The following TRIM58 variants were observed in gnomAD, a reference collection of about 807,000 sequenced individuals.
The protein encoded by TRIM58 is E3 ubiquitin-protein ligase TRIM58.
TRIM58 carries 38 observed loss-of-function variants against 34.1 expected under a neutral mutation model. The ratio of observed to expected loss-of-function variants is 1.12; its 90% CI spans 0.86 to 1.46. TRIM58 has a LOEUF of 1.46. TRIM58 is among the 40% of genes most tolerant of loss of function. The pLI, the probability that TRIM58 is intolerant of heterozygous loss-of-function variation, is 0.00. For synonymous variants in TRIM58, 273 were observed against 275.7 expected, an observed-to-expected ratio of 0.99 and a Z score of 0.10; for missense variants, 677 against 642.0, an observed-to-expected ratio of 1.05 and a Z score of -0.59.
chr1:247,867,961 A>G lies in TRIM58; in HGVS notation c.771-2A>G. 3 of 1,613,384 alleles carry G rather than the reference A, an allele frequency of 1.9e-6. No individual in the cohort carries two copies. The highest frequency in any genetic ancestry group is 2.5e-6 in the Non-Finnish European group (3 of 1,179,660). On this transcript the variant is annotated splice_acceptor_variant, in intron 4 of 5. Coordinates refer to ENST00000366481, the MANE Select transcript of TRIM58 (RefSeq NM_015431.4). LOFTEE classifies it high-confidence loss of function. ...CTTCTGTGGTTTCTGTGCTCTTCCC[A>G]GAAGTAAGGCTGTCACAAGGCTGGA...
chr1:247,863,305 C>T (rs1161223536), intron 2 of TRIM58, among the ~76,000 whole-genome samples: 4 of 152,012 alleles, frequency 2.6e-5, no homozygotes, highest in East Asian at 3.9e-4. Context: ...TTTGGGAGGC[C>T]GATGCGGGCC....
rs1344551202 is a variant in TRIM58, at chr1:247,879,006, T to C, written c.*2517T>C. Among the ~76,000 whole-genome samples, 2 of 152,166 alleles carry C rather than the reference T, an allele frequency of 1.3e-5. No individual in the cohort carries two copies. Among genetic ancestry groups the C allele is most frequent in the African/African-American group, 4.8e-5 (2 of 41,436 alleles). ...TTCGTTACCAGCAAAATCCTCGACA[T>C]CCATACCCGTTTCCTGGCTTTCCCT... On this transcript the variant is annotated 3_prime_UTR_variant, in exon 6 of 6. Transcript: ENST00000366481.
chr1:247,861,147 C>T (rs1450891030), intron 2 of TRIM58, among the ~76,000 whole-genome samples: 1 of 151,922 alleles, frequency 6.6e-6, no homozygotes, highest in Non-Finnish European at 1.5e-5. Context: ...TTTTTTCTAT[C>T]ATCTATACAT....
rs772740288 is a variant in TRIM58, at chr1:247,868,048, T to G, written c.856T>G (p.Leu286Val). Residue 286 changes from leucine to valine, a missense_variant, in exon 5 of 6, where the codon TTA becomes GTA. Coordinates refer to ENST00000366481, the MANE Select transcript of TRIM58 (RefSeq NM_015431.4). The stretch of plus-strand genomic sequence containing the variant: ...CTGCATCCCTGGGAGGAGGGAGCTC[T>G]TAAGGAAGTTCCAAGGTAGTTGCAT... ...ACCIPGRREL[L>V]RKFQVDVKLD... 2.5e-6 allele frequency: 4 copies of G among 1,607,242 alleles called. No individual in the cohort carries two copies. In the Admixed American group the frequency reaches 6.8e-5, roughly 27 times the overall value.
At chr1:247,875,345 A>G (rs1045326487) in intron 5 of TRIM58, among the ~76,000 whole-genome samples, 31 of 152,192 alleles carry the variant, frequency 2.0e-4, no homozygotes, top group Non-Finnish European at 1.3e-4. Flanking sequence ...TAAATGCAGA[A>G]GATCCTCCTA....
intron 2 of TRIM58, among the ~76,000 whole-genome samples, chr1:247,861,986 G>C (rs1247494148): frequency 6.6e-6 from 1 of 152,132 alleles, no homozygotes; most frequent in East Asian, 1.9e-4. Context: ...AAATTAGCCA[G>C]GCGTGGTGGC....
chr1:247,857,721 A>G, intron 1 of TRIM58, 55 bp downstream of exon 1: 3 of 1,208,368 alleles, frequency 2.5e-6, no homozygotes, highest in Non-Finnish European at 3.1e-6. Flanking sequence ...GAAGCGGGCG[A>G]CAGTCCGGAG....
intron 5 of TRIM58, among the ~76,000 whole-genome samples, chr1:247,874,443 C>T (rs1458028856): frequency 6.6e-6 from 1 of 152,142 alleles, no homozygotes; most frequent in East Asian, 1.9e-4. Flanking sequence ...CCCCACTAGG[C>T]CCCACCTTCA....
At chr1:247,870,976 C>G (rs35014079) in intron 5 of TRIM58, among the ~76,000 whole-genome samples, 19 of 53,558 alleles carry the variant, frequency 3.5e-4, no homozygotes, top group Admixed American at 4.6e-4. Flanking sequence ...ATTCATGAGC[C>G]GTATCAGAGT....
rs2103317544 is a variant in TRIM58 at position 247,857,230 on chromosome 1, C to T, written c.-17C>T. On this transcript the variant is annotated 5_prime_UTR_variant, in exon 1 of 6. Coordinates refer to ENST00000366481, the MANE Select transcript of TRIM58 (RefSeq NM_015431.4). ...CGGTGCGGGCGGCCGGGAGCGCAGC[C>T]CTCCGGGAGGCGGGTCATGGCCTGG... 7.6e-7 allele frequency: 1 copy of T among 1,311,652 alleles called. No individual in the cohort carries two copies. The highest frequency in any genetic ancestry group is 9.8e-7 in the Non-Finnish European group (1 of 1,024,006). The allele number at this position is 1,311,652 out of a possible 1,614,324, so 81.3% of individuals were successfully genotyped here. A position where few individuals can be genotyped will look rare whatever the true frequency, so the allele number is the denominator to read the frequency against.
At chr1:247,857,799 C>A in intron 1 of TRIM58, 133 bp downstream of exon 1, 2 of 1,153,896 alleles carry the variant, frequency 1.7e-6, no homozygotes, top group African/African-American at 1.6e-5. Context: ...CGCGCCGTCC[C>A]CCCCGCCCAC....
At chr1:247,857,746 C>T (rs1057027635) in intron 1 of TRIM58, 80 bp downstream of exon 1, 25 of 1,196,192 alleles carry the variant, frequency 2.1e-5, no homozygotes, top group Non-Finnish European at 2.4e-5. Flanking sequence ...GCCGCCGAGG[C>T]CACCCGTCTC....
chr1:247,865,605 G>A (rs1327508729), intron 3 of TRIM58, among the ~76,000 whole-genome samples: 1 of 152,192 alleles, frequency 6.6e-6, no homozygotes, highest in East Asian at 1.9e-4. Context: ...GAGGGATTAC[G>A]TGGACTCCCG....
chr1:247,860,425 C>CACA (rs56706089), intron 1 of TRIM58, among the ~76,000 whole-genome samples, 192 bp from the exon 2 acceptor site: 46,112 of 151,860 alleles, frequency 0.3, 7,235 homozygotes, highest in African/African-American at 0.38. Flanking sequence ...CGCAACACTG[C>CACA]ACAACCTGAG....
At position 247,877,343 on chromosome 1, in the gene TRIM58, C is replaced by G. The variant is rs1659312997; in HGVS notation, c.*854C>G. ...ATCCCAGCACTTTGGGAGGCTGAGG[C>G]GGGTGGATCACAAGCTCAGGAGTTC... On this transcript the variant is annotated 3_prime_UTR_variant, in exon 6 of 6. Transcript: ENST00000366481. The G allele has an allele frequency of 2.0e-5, 3 of 150,406 alleles. No individual in the cohort carries two copies. The highest frequency in any genetic ancestry group is 7.3e-5 in the African/African-American group (3 of 40,838). 9.3% of individuals were successfully genotyped at this position (150,406 alleles called of 1,614,324 possible). A position where few individuals can be genotyped will look rare whatever the true frequency, so the allele number is the denominator to read the frequency against.
At chr1:247,865,210 G>A (rs982577514) in intron 3 of TRIM58, among the ~76,000 whole-genome samples, 8 of 152,092 alleles carry the variant, frequency 5.3e-5, no homozygotes, top group South Asian at 2.1e-4. Context: ...CAGGAGGATC[G>A]CTTGGGCCAA....
intron 2 of TRIM58, among the ~76,000 whole-genome samples, chr1:247,862,828 C>T (rs770252120): frequency 6.6e-6 from 1 of 152,186 alleles, no homozygotes; most frequent in Non-Finnish European, 1.5e-5. Context: ...TGCAAAACCA[C>T]CTTTCCTTTT....
In TRIM58 at chr1:247,878,312, G is replaced by A. The variant is rs1659336168; in HGVS notation, c.*1823G>A. ...ATTATCTGATAATAATCTGCAGAAG[G>A]TTTAATTTTCCTCCTCAATTTGAAG... On this transcript the variant is annotated 3_prime_UTR_variant, in exon 6 of 6. Transcript: ENST00000366481. The A allele has an allele frequency of 6.6e-6, 1 of 152,102 alleles. No homozygotes were observed. Among genetic ancestry groups the A allele is most frequent in the African/African-American group, 2.4e-5 (1 of 41,416 alleles). The allele number at this position is 152,102 out of a possible 1,614,324, so 9.4% of individuals were successfully genotyped here. A position where few individuals can be genotyped will look rare whatever the true frequency, so the allele number is the denominator to read the frequency against.
Position 247,860,768 on chromosome 1 carries a change from G to T in TRIM58, c.516+56G>T. 5 of 1,370,910 alleles carry T rather than the reference G, an allele frequency of 3.6e-6. No homozygotes were observed. The East Asian group carries it at 9.2e-5, about 25-fold the overall frequency. 84.9% of individuals were successfully genotyped at this position (1,370,910 alleles called of 1,614,324 possible). ...GCCTGTTTGAAGGATCCAGATTCGGGTCAGTAATTCTTCTACCATCTTCCA... is the reference window on the plus strand; with the variant it reads ...GCCTGTTTGAAGGATCCAGATTCGGTTCAGTAATTCTTCTACCATCTTCCA... On this transcript the variant is annotated intron_variant, in intron 2 of 5. Transcript: ENST00000366481.
Sources: allele counts gnomAD v4.1 joint callset (sites outside exome capture counted in the v4.1 genomes callset), GRCh38; gene constraint gnomAD v4.1.1; transcripts MANE v1.5; gene names NCBI Gene and HGNC (gene_info 2026-07-23, HGNC 2026-07-21).